EMILIN2: variants seen among roughly 807,000 people sequenced by gnomAD.
The protein encoded by EMILIN2 is EMILIN-2.
A neutral mutation model predicts 87.1 loss-of-function variants in EMILIN2; 71 were observed. The observed-to-expected ratio is 0.82, with a 90% CI of 0.67 to 0.99. EMILIN2 has a LOEUF of 0.99. Ranked by LOEUF, EMILIN2 falls within the 50% of genes least tolerant of loss-of-function variation. The pLI, the probability that EMILIN2 is intolerant of heterozygous loss-of-function variation, is 0.00. For synonymous variants in EMILIN2, 581 were observed against 563.4 expected, an observed-to-expected ratio of 1.03 and a Z score of -0.44; for missense variants, 1,407 against 1,371.8, an observed-to-expected ratio of 1.03 and a Z score of -0.40.
intron 4 of EMILIN2, among the ~76,000 whole-genome samples, chr18:2,904,048 C>T (rs2076899432): frequency 6.6e-6 from 1 of 152,186 alleles, no homozygotes; most frequent in Admixed American, 6.5e-5. Context: ...TATTGCCTGT[C>T]TAAAAATATC....
Position 2,909,706 on chromosome 18 carries a change from C to T in EMILIN2, c.2711C>T (p.Ser904Phe). The change falls in exon 7 of 8, where the codon TCT (serine) becomes TTT (phenylalanine). Residue 904 changes from serine to phenylalanine, a missense_variant. Coordinates refer to ENST00000254528, the MANE Select transcript of EMILIN2 (RefSeq NM_032048.3). Reference sequence around the variant, plus strand: ...TCTGCTCCAGGAGCTCCGGTGCCTTCTCTGGTGTCTTTTTCTGCGGGGCTC... The same window carrying T: ...TCTGCTCCAGGAGCTCCGGTGCCTTTTCTGGTGTCTTTTTCTGCGGGGCTC... Reference protein sequence around the residue: ...PVASPGAPVPSLVSFSAGLTQ... With the variant: ...PVASPGAPVPFLVSFSAGLTQ... 6.2e-7 allele frequency: 1 copy of T among 1,614,104 alleles called. No homozygotes were observed. Among genetic ancestry groups the T allele is most frequent in the Non-Finnish European group, 8.5e-7 (1 of 1,179,964 alleles).
intron 7 of EMILIN2, 48 bp downstream of exon 7, chr18:2,909,867 G>A (rs1167077833): frequency 1.1e-5 from 18 of 1,593,568 alleles, no homozygotes; most frequent in South Asian, 4.5e-5. Context: ...CTACCCCAAC[G>A]CAGGTGGGAC....
At chr18:2,885,245 G>T in intron 3 of EMILIN2, 106 bp downstream of exon 3, 1 of 1,249,716 alleles carries the variant, frequency 8.0e-7, no homozygotes, top group South Asian at 1.7e-5. Flanking sequence ...AATGGCCTTC[G>T]AATAACACAC....
rs2076584710 is a variant in EMILIN2, at chr18:2,847,984, G to A, written c.257+53G>A. On this transcript the variant is annotated intron_variant, in intron 2 of 7. Coordinates refer to ENST00000254528, the MANE Select transcript of EMILIN2 (RefSeq NM_032048.3). This position sits in a 1 kb window ranked among gnomAD's most constrained non-coding sequence, Gnocchi z 4.5. The stretch of plus-strand genomic sequence containing the variant: ...GGGCGCGCCCGGGCCGGGGCGGTGG[G>A]GGTGGGGTGGGGTTGCTGCGCTGGG... The A allele has an allele frequency of 1.3e-6, 2 of 1,509,018 alleles. No homozygotes were observed. The highest frequency in any genetic ancestry group is 1.8e-6 in the Non-Finnish European group (2 of 1,129,736). 93.5% of individuals were successfully genotyped at this position (1,509,018 alleles called of 1,614,324 possible).
At chr18:2,908,005 C>T (rs923932499) in intron 5 of EMILIN2, among the ~76,000 whole-genome samples, 2 of 152,208 alleles carry the variant, frequency 1.3e-5, no homozygotes, top group African/African-American at 2.4e-5. Flanking sequence ...CTGATGCCCA[C>T]GGCTGTCTGG....
At chr18:2,854,662 T>C (rs540549521) in intron 2 of EMILIN2, among the ~76,000 whole-genome samples, 2 of 152,246 alleles carry the variant, frequency 1.3e-5, no homozygotes, top group Non-Finnish European at 2.9e-5. Flanking sequence ...GGTATGGTGC[T>C]ACGTGCCTGT....
chr18:2,879,719 T>G (rs1285654617), intron 2 of EMILIN2, among the ~76,000 whole-genome samples: 3 of 151,782 alleles, frequency 2.0e-5, no homozygotes, highest in African/African-American at 4.8e-5. Context: ...TTGATTGATT[T>G]ATTTTTTGAG....
chr18:2,885,215 C>A, intron 3 of EMILIN2, 76 bp downstream of exon 3: 1 of 1,458,952 alleles, frequency 6.9e-7, no homozygotes, highest in Non-Finnish European at 9.2e-7. Flanking sequence ...AGGATTTGTG[C>A]TTTACAATGG....
At chr18:2,889,133 C>CTTTTTTTTTTTTTTTTTT (rs772439545) in intron 3 of EMILIN2, among the ~76,000 whole-genome samples, 41 of 84,340 alleles carry the variant, frequency 4.9e-4, no homozygotes, top group African/African-American at 1.0e-3. Context: ...TCTTTCTTTT[C>CTTTTTTTTTTTTTTTTTT]TTTTTTTTTT....
At chr18:2,878,281 G>A (rs2076759773) in intron 2 of EMILIN2, among the ~76,000 whole-genome samples, 1 of 152,216 alleles carries the variant, frequency 6.6e-6, no homozygotes, top group Non-Finnish European at 1.5e-5. Context: ...CCTGAGGTCA[G>A]GAGTTCGAGA....
intron 2 of EMILIN2, among the ~76,000 whole-genome samples, chr18:2,860,393 CA>C: frequency 6.6e-6 from 1 of 152,202 alleles, no homozygotes; most frequent in Non-Finnish European, 1.5e-5. Context: ...CCACTTCCCC[CA>C]ACCCCACAAC....
At chr18:2,868,795 GA>G (rs1395127078) in intron 2 of EMILIN2, among the ~76,000 whole-genome samples, 2 of 152,012 alleles carry the variant, frequency 1.3e-5, no homozygotes, top group Non-Finnish European at 1.5e-5. Flanking sequence ...GGAAAGAGGA[GA>G]GGGAGAGGGA....
At chr18:2,866,282 T>C (rs927292766) in intron 2 of EMILIN2, among the ~76,000 whole-genome samples, 22 of 152,222 alleles carry the variant, frequency 1.4e-4, no homozygotes, top group African/African-American at 5.3e-4. Context: ...GTCTTCTGCG[T>C]CGCTCACGCT....
chr18:2,876,705 G>A (rs1439594893), intron 2 of EMILIN2, among the ~76,000 whole-genome samples: 2 of 151,900 alleles, frequency 1.3e-5, no homozygotes, highest in African/African-American at 4.8e-5. Flanking sequence ...GGCGGAGCTT[G>A]CAGTGAGCCA....
chr18:2,891,704 G>T lies in EMILIN2; in HGVS notation c.1577G>T (p.Gly526Val). The change falls in exon 4 of 8, where the codon GGA (glycine) becomes GTA (valine). Residue 526 changes from glycine to valine, a missense_variant. Transcript: ENST00000254528. This position sits in a 1 kb window ranked among gnomAD's most constrained non-coding sequence, Gnocchi z 4.6. The stretch of plus-strand genomic sequence containing the variant: ...CCCCCAGGGGCAGCAGCCCTGCCAG[G>T]AGTGTCAGGGTCAGGAGATGAACGG... The part of the protein sequence containing the change: ...LSPPGAAALP[G>V]VSGSGDERVM... 6.2e-7 allele frequency: 1 copy of T among 1,614,152 alleles called. No individual in the cohort carries two copies. The highest frequency in any genetic ancestry group is 8.5e-7 in the Non-Finnish European group (1 of 1,180,030).
Position 2,858,605 on chromosome 18 carries a change from G to GTATATATATA in EMILIN2, c.257+10678_257+10687dup, listed in dbSNP as rs552199862. ...TGTGTATATATATATATATATATGT[G>GTATATATATA]TATATATATATATGTTCCACAGTTT... On this transcript the variant is annotated intron_variant, in intron 2 of 7. Transcript: ENST00000254528. Among the ~76,000 whole-genome samples, 92 of 86,162 alleles carry GTATATATATA rather than the reference G, an allele frequency of 1.1e-3. 7 individuals are homozygous for GTATATATATA. The highest frequency in any genetic ancestry group is 5.9e-3 in the African/African-American group (81 of 13,746). The allele number at this position is 86,162 out of a possible 152,430, so 56.5% of individuals were successfully genotyped here.
In EMILIN2 at chr18:2,891,539, T is replaced by C; in HGVS notation, c.1412T>C (p.Ile471Thr). ...EKNAEEHCFY[I>T]EETLRGAING... ...AACGCTGAAGAACATTGCTTTTACA[T>C]TGAGGAAACCCTTCGGGGCGCCATT... Residue 471 changes from isoleucine to threonine, a missense_variant, in exon 4 of 8, where the codon ATT becomes ACT. Ile to Thr is a moderately conservative substitution (Grantham distance 89, BLOSUM62 -1). Coordinates refer to ENST00000254528, the MANE Select transcript of EMILIN2 (RefSeq NM_032048.3). This position sits in a 1 kb window ranked among gnomAD's most constrained non-coding sequence, Gnocchi z 4.6. The C allele has an allele frequency of 5.6e-6, 9 of 1,614,118 alleles. No homozygotes were observed. The highest frequency in any genetic ancestry group is 7.6e-6 in the Non-Finnish European group (9 of 1,180,020).
At chr18:2,873,587 G>A (rs1162141302) in intron 2 of EMILIN2, among the ~76,000 whole-genome samples, 3 of 149,040 alleles carry the variant, frequency 2.0e-5, no homozygotes, top group Non-Finnish European at 4.5e-5. Context: ...GGCGCCTGTA[G>A]TCCCAGCTAC....
chr18:2,858,236 T>G (rs1288105806), intron 2 of EMILIN2, among the ~76,000 whole-genome samples: 2 of 151,588 alleles, frequency 1.3e-5, no homozygotes, highest in African/African-American at 4.9e-5. Flanking sequence ...TAGTGGTGAT[T>G]TATGAGATTT....
Sources: gnomAD v4.1 joint callset for allele counts (sites outside exome capture counted in the v4.1 genomes callset) on GRCh38, gnomAD v4.1.1 for gene constraint, Gnocchi (gnomAD v3.1) non-coding constraint, MANE v1.5 for transcripts, NCBI Gene and HGNC (gene_info 2026-07-23, HGNC 2026-07-21) for gene names.